The following DOT1L variants were observed in gnomAD, a reference collection of about 807,000 sequenced individuals.
DOT1L encodes the protein DOT1 like histone lysine methyltransferase.
Under a neutral mutation model 153.3 loss-of-function variants are expected in DOT1L, and 33 were observed. The ratio of observed to expected loss-of-function variants is 0.22; its 90% confidence interval spans 0.16 to 0.29. The LOEUF is 0.29. DOT1L is among the 10% of genes least tolerant of loss of function. The pLI is 1.00. For missense variants in DOT1L, 1,847 were observed against 2,119.9 expected, an observed-to-expected ratio of 0.87 and a Z score of 2.53; for synonymous variants, 1,135 against 965.1, an observed-to-expected ratio of 1.18 and a Z score of -3.26.
intron 5 of DOT1L, among the ~76,000 whole-genome samples, chr19:2,192,386 G>C (rs777421553): frequency 6.6e-6 from 1 of 152,172 alleles, no homozygotes; most frequent in African/African-American, 2.4e-5. Context: ...AATGTGTATC[G>C]TCTGGACGTG....
Position 2,230,266 on chromosome 19 carries a change from C to G in DOT1L, c.*474C>G, listed in dbSNP as rs760842699. 2 of 426,868 alleles carry G rather than the reference C, an allele frequency of 4.7e-6. No homozygotes were observed. The highest frequency in any genetic ancestry group is 4.1e-6 in the Non-Finnish European group (1 of 243,428). 26.4% of individuals were successfully genotyped at this position (426,868 alleles called of 1,614,324 possible). On this transcript the variant is annotated 3_prime_UTR_variant, in exon 28 of 28. Transcript: ENST00000398665. ...GGAAACGCCGCCCGGCCGGCTCCCC[C>G]GACGCGCTGCTCCCGTACCAAAGGC...
In DOT1L at chr19:2,190,326, C is replaced by T. The variant is rs1000003642; in HGVS notation, c.264+531C>T. 4.5e-4 allele frequency among the ~76,000 whole-genome samples: 69 copies of T among 152,186 alleles called. No individual in the cohort carries two copies. The highest frequency in any genetic ancestry group is 1.5e-3 in the African/African-American group (64 of 41,520). ...CTGCTTCCCATGTTCTAGAAAGCACCGGGGGCCCCTGGTGCATGGGGGTAG... is the reference window on the plus strand; with the variant it reads ...CTGCTTCCCATGTTCTAGAAAGCACTGGGGGCCCCTGGTGCATGGGGGTAG... On this transcript the variant is annotated intron_variant, in intron 4 of 27. Coordinates refer to ENST00000398665, the MANE Select transcript of DOT1L (RefSeq NM_032482.3). This position sits in a 1 kb window ranked among gnomAD's most constrained non-coding sequence, Gnocchi z 4.8.
chr19:2,222,870 C>A lies in DOT1L; in HGVS notation c.3390+311C>A. 2.4e-6 allele frequency: 1 copy of A among 409,646 alleles called. No individual in the cohort carries two copies. The highest frequency in any genetic ancestry group is 4.3e-6 in the Non-Finnish European group (1 of 231,096). 25.4% of individuals were successfully genotyped at this position (409,646 alleles called of 1,614,324 possible). Reference sequence around the variant, plus strand: ...TGCCTGGGCCACAGAGCGAGACTCCCTCTCGGGGGGACAAAAAAAAACACA... The same window carrying A: ...TGCCTGGGCCACAGAGCGAGACTCCATCTCGGGGGGACAAAAAAAAACACA... On this transcript the variant is annotated intron_variant, in intron 24 of 27. Transcript: ENST00000398665. This position sits in a 1 kb window ranked among gnomAD's most constrained non-coding sequence, Gnocchi z 6.5.
At chr19:2,172,411 G>A (rs1399036418) in intron 1 of DOT1L, among the ~76,000 whole-genome samples, 24 of 151,160 alleles carry the variant, frequency 1.6e-4, no homozygotes, top group Non-Finnish European at 3.4e-4. Context: ...GGATGGTCTC[G>A]ATCTCCTGAC....
rs762198777 is a variant in DOT1L, at chr19:2,220,167, G to A, written c.2751G>A (p.Gln917=). 1 of 1,613,836 alleles carries A rather than the reference G, an allele frequency of 6.2e-7. No individual in the cohort carries two copies. Among genetic ancestry groups the A allele is most frequent in the Admixed American group, 1.7e-5 (1 of 60,022 alleles). ...ACCCCTCGTCCACACTTGAAAAGCA[G>A]ATTGGTGCTAATGCCCACGGTGCTG... The part of the protein sequence containing the change: ...PRDPSSTLEK[Q]IGANAHGAGS... The change falls in exon 23 of 28, where the codon CAG becomes CAA. Residue 917 remains glutamine (Q), a synonymous_variant. Transcript: ENST00000398665. The surrounding 1 kb of genome is among the most constrained non-coding windows in gnomAD (Gnocchi z 4.5).
Position 2,190,180 on chromosome 19 carries a change from C to T in DOT1L, c.264+385C>T, listed in dbSNP as rs1036837854. Among the ~76,000 whole-genome samples, 1 of 152,162 alleles carries T rather than the reference C, an allele frequency of 6.6e-6. No homozygotes were observed. The highest frequency in any genetic ancestry group is 1.5e-5 in the Non-Finnish European group (1 of 68,024). ...CCTCCCCCACACCGCCTGCCTTCAT[C>T]AGGCTGGATGCCGGCCTGGGCTGCA... On this transcript the variant is annotated intron_variant, in intron 4 of 27. Transcript: ENST00000398665. This position sits in a 1 kb window ranked among gnomAD's most constrained non-coding sequence, Gnocchi z 4.8.
chr19:2,190,613 G>A lies in DOT1L; in HGVS notation c.265-399G>A, dbSNP rs2022748582. On this transcript the variant is annotated intron_variant, in intron 4 of 27. Transcript: ENST00000398665. This position sits in a 1 kb window ranked among gnomAD's most constrained non-coding sequence, Gnocchi z 4.8. The stretch of plus-strand genomic sequence containing the variant: ...CCCACGTAGTCGAGTCAGATGAGGT[G>A]TGGTAGGCTCAGGGCTTTCACGGGG... Among the ~76,000 whole-genome samples the A allele has an allele frequency of 6.6e-6, 1 of 152,152 alleles. No homozygotes were observed. The highest frequency in any genetic ancestry group is 2.4e-5 in the African/African-American group (1 of 41,438).
At chr19:2,225,748 C>A (rs1009200564) in intron 26 of DOT1L, among the ~76,000 whole-genome samples, 1 of 152,198 alleles carries the variant, frequency 6.6e-6, no homozygotes, top group Admixed American at 6.5e-5. Flanking sequence ...CACCTTGGGT[C>A]CCCTGTTTGC....
In DOT1L at chr19:2,229,289, G is replaced by A. The variant is rs535092490; in HGVS notation, c.4607-496G>A. ...CCAGGGACATGGCGTGCCTGGCGGCGTAGTGCAAAGGTGCCCTCTGCTTGC... is the reference window on the plus strand; with the variant it reads ...CCAGGGACATGGCGTGCCTGGCGGCATAGTGCAAAGGTGCCCTCTGCTTGC... On this transcript the variant is annotated intron_variant, in intron 27 of 27. Transcript: ENST00000398665. The A allele has an allele frequency of 1.3e-4, 132 of 985,392 alleles. No homozygotes were observed. In the East Asian group the frequency reaches 7.5e-3, roughly 56 times the overall value. 61.0% of individuals were successfully genotyped at this position (985,392 alleles called of 1,614,324 possible).
At chr19:2,169,088 C>G (rs531025257) in intron 1 of DOT1L, among the ~76,000 whole-genome samples, 1 of 152,200 alleles carries the variant, frequency 6.6e-6, no homozygotes, top group South Asian at 2.1e-4. Flanking sequence ...GCCAAGGGTC[C>G]GGACTCTCTG....
At position 2,213,834 on chromosome 19, in the gene DOT1L, G is replaced by A. The variant is rs200572061; in HGVS notation, c.1660-15G>A. On this transcript the variant is annotated splice_polypyrimidine_tract_variant and intron_variant, in intron 17 of 27. Coordinates refer to ENST00000398665, the MANE Select transcript of DOT1L (RefSeq NM_032482.3). ...AGGCCACCAGCATGACCTCTCCCCCGCCCCATGTCCCCAGCTGGGTGTGAA... is the reference window on the plus strand; with the variant it reads ...AGGCCACCAGCATGACCTCTCCCCCACCCCATGTCCCCAGCTGGGTGTGAA... The A allele has an allele frequency of 8.1e-6, 13 of 1,612,910 alleles. No individual in the cohort carries two copies. Among genetic ancestry groups the A allele is most frequent in the Admixed American group, 3.3e-5 (2 of 60,022 alleles).
At chr19:2,225,637 G>A (rs879807273) in intron 26 of DOT1L, among the ~76,000 whole-genome samples, 185 bp downstream of exon 26, 11 of 152,124 alleles carry the variant, frequency 7.2e-5, no homozygotes, top group East Asian at 1.9e-4. Flanking sequence ...CACTGGGGGC[G>A]CTGGGCTTCC....
intron 27 of DOT1L, chr19:2,228,406 G>A (rs1466479803): frequency 3.2e-6 from 4 of 1,256,106 alleles, no homozygotes; most frequent in South Asian, 1.4e-5. Flanking sequence ...CCTGCGCGGT[G>A]GCTCACTCCA....
chr19:2,216,084 C>A, intron 19 of DOT1L, 197 bp from the exon 20 acceptor site: 1 of 653,536 alleles, frequency 1.5e-6, no homozygotes, highest in Non-Finnish European at 2.5e-6. Context: ...AAAAACCATC[C>A]TCGGCCCTCC....
At position 2,226,515 on chromosome 19, in the gene DOT1L, A is replaced by G. The variant is rs1360858516; in HGVS notation, c.3994A>G (p.Ser1332Gly). 2 of 1,600,764 alleles carry G rather than the reference A, an allele frequency of 1.2e-6. No individual in the cohort carries two copies. Among genetic ancestry groups the G allele is most frequent in the Non-Finnish European group, 1.7e-6 (2 of 1,179,668 alleles). Residue 1332 changes from serine (S) to glycine (G), a missense_variant, in exon 27 of 28, where the codon AGT (serine) becomes GGT (glycine). Around this residue, in one of 8 missense-constraint regions of DOT1L, gnomAD observed 934 missense variants for 825.3 expected, o/e 1.13. Coordinates refer to ENST00000398665, the MANE Select transcript of DOT1L (RefSeq NM_032482.3). ...CGCGGACCTGAGTTTACACAGCTTC[A>G]GTGATGGTGCTTCTCTTCCCCACAA... ...LAADLSLHSFSDGASLPHKGP... is the reference protein window; with the variant it reads ...LAADLSLHSFGDGASLPHKGP...
Position 2,222,943 on chromosome 19 carries a change from T to C in DOT1L, c.3391-338T>C, listed in dbSNP as rs776167335. The C allele has an allele frequency of 4.7e-4, 203 of 431,606 alleles. No individual in the cohort carries two copies. Among genetic ancestry groups the C allele is most frequent in the Non-Finnish European group, 6.1e-4 (148 of 242,560 alleles). The allele number at this position is 431,606 out of a possible 1,614,324, so 26.7% of individuals were successfully genotyped here. On this transcript the variant is annotated intron_variant, in intron 24 of 27. Transcript: ENST00000398665. The surrounding 1 kb of genome is among the most constrained non-coding windows in gnomAD (Gnocchi z 6.5). ...GGGCCATGACTGAGCCCGGCCATCC[T>C]CCACCACGTGCGGCCTGGCAGCCTG...
chr19:2,216,117 C>A, intron 19 of DOT1L, 164 bp from the exon 20 acceptor site: 1 of 1,027,064 alleles, frequency 9.7e-7, no homozygotes, highest in Non-Finnish European at 1.4e-6. Flanking sequence ...TTGACGCCCC[C>A]AGCTTCCCGA....
At chr19:2,181,095 A>G (rs968108451) in intron 2 of DOT1L, among the ~76,000 whole-genome samples, 3 of 152,108 alleles carry the variant, frequency 2.0e-5, no homozygotes, top group East Asian at 3.9e-4. Context: ...TCTGTGCCCC[A>G]TGGGTGCAGA....
intron 19 of DOT1L, among the ~76,000 whole-genome samples, chr19:2,215,043 C>G (rs1329658216): frequency 6.6e-6 from 1 of 152,104 alleles, no homozygotes; most frequent in Non-Finnish European, 1.5e-5. Context: ...CAGTGGGACT[C>G]TGTCTCTAGC....
Sources: gnomAD v4.1 joint callset for allele counts (sites outside exome capture counted in the v4.1 genomes callset) on GRCh38, gnomAD v4.1.1 for gene constraint, gnomAD v4.1.1 regional missense constraint, Gnocchi (gnomAD v3.1) non-coding constraint, MANE v1.5 for transcripts, NCBI Gene and HGNC (gene_info 2026-07-23, HGNC 2026-07-21) for gene names.